The following COL19A1 variants were observed in gnomAD, a reference collection of about 807,000 sequenced individuals.
COL19A1 encodes collagen type XIX alpha 1 chain, also known as collagen alpha-1(XIX) chain.
COL19A1 carries 159 observed loss-of-function variants against 190.2 expected under a neutral mutation model. The ratio of observed to expected loss-of-function variants is 0.84; its 90% CI spans 0.73 to 0.95. COL19A1 has a LOEUF of 0.95. Among genes scored for constraint, COL19A1 ranks in the 40% least tolerant of loss-of-function variants. The probability of loss-of-function intolerance (pLI) is 0.00; values close to 1 mark genes in which losing one functional copy is unlikely to be tolerated. For synonymous variants in COL19A1, 509 were observed against 458.9 expected, an observed-to-expected ratio of 1.11 and a Z score of -1.39; for missense variants, 1,418 against 1,431.9, an observed-to-expected ratio of 0.99 and a Z score of 0.16.
intron 11 of COL19A1, among the ~76,000 whole-genome samples, chr6:70,010,930 G>T (rs1433407832): frequency 1.4e-5 from 1 of 71,928 alleles, no homozygotes; most frequent in Non-Finnish European, 2.4e-5. Flanking sequence ...CAAAAAGACA[G>T]CAGTAACCTC....
chr6:69,995,522 A>ATTTT (rs111245935), intron 11 of COL19A1, among the ~76,000 whole-genome samples: 14 of 146,006 alleles, frequency 9.6e-5, no homozygotes, highest in African/African-American at 3.5e-4. Context: ...AAACCGTGTG[A>ATTTT]TTTTTTTTTT....
intron 11 of COL19A1, among the ~76,000 whole-genome samples, chr6:70,019,328 G>A (rs1778293797): frequency 6.6e-6 from 1 of 151,970 alleles, no homozygotes; most frequent in Non-Finnish European, 1.5e-5. Flanking sequence ...ATGTAGTAAG[G>A]TATAGAGAAC....
In COL19A1 at chr6:70,137,702, A is replaced by G. The variant is rs1224704998; in HGVS notation, c.1401A>G (p.Pro467=). Residue 467 remains proline, a synonymous_variant, in exon 19 of 51, where the codon CCA becomes CCG. Transcript: ENST00000620364. ...CTTGAAAGGGTGAAACTGGACTACC[A>G]GGATTTCCAGGGTCTGTTGGCCCTA... is the stretch of plus-strand genomic sequence containing the variant. The part of the protein sequence containing the change: ...LKGDKGETGL[P]GFPGSVGPKG... 3 of 1,613,418 alleles carry G rather than the reference A, an allele frequency of 1.9e-6. No individual in the cohort carries two copies. Among genetic ancestry groups the G allele is most frequent in the East Asian group, 2.2e-5 (1 of 44,860 alleles).
At chr6:70,185,649 T>G (rs970109010) in intron 46 of COL19A1, among the ~76,000 whole-genome samples, 1 of 152,238 alleles carries the variant, frequency 6.6e-6, no homozygotes, top group African/African-American at 2.4e-5. Context: ...TGATTTCTAC[T>G]AGAATTAACT....
chr6:70,042,579 G>A (rs1344092879), intron 14 of COL19A1, among the ~76,000 whole-genome samples: 1 of 152,034 alleles, frequency 6.6e-6, no homozygotes, highest in Non-Finnish European at 1.5e-5. Flanking sequence ...TGAAGGTTGG[G>A]GTGGCTGTGG....
intron 12 of COL19A1, among the ~76,000 whole-genome samples, chr6:70,025,231 C>T (rs112154720): frequency 0.095 from 14,495 of 152,016 alleles, 762 homozygotes; most frequent in East Asian, 0.2. Flanking sequence ...GGGGTTTCAC[C>T]GTGTTAGCCA....
At chr6:70,156,262 C>T (rs746621460) in intron 32 of COL19A1, 31 bp downstream of exon 32, 1 of 1,613,124 alleles carries the variant, frequency 6.2e-7, no homozygotes, top group Non-Finnish European at 8.5e-7. Context: ...TTTACGATCC[C>T]TGTGGGTTAC....
At chr6:69,880,743 T>TG (rs1440760482) in intron 2 of COL19A1, among the ~76,000 whole-genome samples, 3 of 152,114 alleles carry the variant, frequency 2.0e-5, no homozygotes, top group African/African-American at 4.8e-5. Flanking sequence ...TCATACAATT[T>TG]GGGGGGGAAA....
chr6:69,963,016 G>A, intron 11 of COL19A1, 146 bp downstream of exon 11: 2 of 515,646 alleles, frequency 3.9e-6, no homozygotes, highest in South Asian at 7.7e-5. Flanking sequence ...CTTCCATTGA[G>A]GTAGAATAAA....
chr6:70,077,357 A>T (rs1338834964), intron 15 of COL19A1, among the ~76,000 whole-genome samples: 1 of 152,168 alleles, frequency 6.6e-6, no homozygotes, highest in African/African-American at 2.4e-5. Flanking sequence ...TTTATTTCTA[A>T]ATTTCTTGGA....
chr6:70,082,507 G>T (rs941922296), intron 15 of COL19A1, among the ~76,000 whole-genome samples: 2 of 152,084 alleles, frequency 1.3e-5, no homozygotes, highest in Non-Finnish European at 2.9e-5. Flanking sequence ...CCACCTCCCG[G>T]GTTCAAGCGA....
At chr6:69,926,560 C>A (rs1772410793) in intron 4 of COL19A1, among the ~76,000 whole-genome samples, 1 of 151,836 alleles carries the variant, frequency 6.6e-6, no homozygotes, top group Admixed American at 6.6e-5. Context: ...AAGAAAGAAT[C>A]CAGGAACTTG....
In COL19A1 at chr6:70,022,300, T is replaced by A. The variant is rs116369848; in HGVS notation, c.1027-1327T>A. On this transcript the variant is annotated intron_variant, in intron 11 of 50. Coordinates refer to ENST00000620364, the MANE Select transcript of COL19A1 (RefSeq NM_001858.6). Reference sequence around the variant, plus strand: ...TGAGTACTTTCTATACATATTCTTTTATTTTTAAACACCTTACTGATTGTA... The same window carrying A: ...TGAGTACTTTCTATACATATTCTTTAATTTTTAAACACCTTACTGATTGTA... Among the ~76,000 whole-genome samples the A allele has an allele frequency of 6.2e-3, 947 of 152,280 alleles. 15 individuals are homozygous for A. Among genetic ancestry groups the A allele is most frequent in the African/African-American group, 0.021 (886 of 41,560 alleles).
chr6:69,967,422 T>C (rs1775180961), intron 11 of COL19A1, among the ~76,000 whole-genome samples: 2 of 152,224 alleles, frequency 1.3e-5, no homozygotes, highest in Non-Finnish European at 2.9e-5. Flanking sequence ...TGTGGCATAT[T>C]CTGCAGCTGT....
chr6:70,018,013 C>T (rs1778214347), intron 11 of COL19A1, among the ~76,000 whole-genome samples: 1 of 151,952 alleles, frequency 6.6e-6, no homozygotes, highest in Non-Finnish European at 1.5e-5. Flanking sequence ...CTGGAAATGA[C>T]AGGATATAGA....
chr6:70,067,689 C>G (rs1355230452), intron 14 of COL19A1, among the ~76,000 whole-genome samples: 1 of 151,900 alleles, frequency 6.6e-6, no homozygotes, highest in South Asian at 2.1e-4. Flanking sequence ...CAAAAATCTC[C>G]CGCATTTAAT....
chr6:69,946,283 G>C (rs1412433404), intron 9 of COL19A1, among the ~76,000 whole-genome samples: 4 of 152,004 alleles, frequency 2.6e-5, no homozygotes, highest in Admixed American at 1.3e-4. Context: ...TTATTACTAA[G>C]AGAATGTATC....
intron 46 of COL19A1, among the ~76,000 whole-genome samples, chr6:70,187,821 A>C (rs1450722999): frequency 2.0e-5 from 3 of 152,050 alleles, no homozygotes; most frequent in Non-Finnish European, 4.4e-5. Context: ...TTATGTATTA[A>C]GTACTGCCAA....
At chr6:70,050,879 C>A (rs1433940489) in intron 14 of COL19A1, among the ~76,000 whole-genome samples, 1 of 152,034 alleles carries the variant, frequency 6.6e-6, no homozygotes, top group African/African-American at 2.4e-5. Context: ...TGAACAAAAG[C>A]TTTATATAGC....
Sources: gnomAD v4.1 joint callset for allele counts (sites outside exome capture counted in the v4.1 genomes callset) on GRCh38, gnomAD v4.1.1 for gene constraint, MANE v1.5 for transcripts, NCBI Gene and HGNC (gene_info 2026-07-23, HGNC 2026-07-21) for gene names.